The following POMT2 variants were observed in gnomAD, a reference collection of about 807,000 sequenced individuals.
POMT2 encodes the protein protein O-mannosyltransferase 2.
A neutral mutation model predicts 100.0 loss-of-function variants in POMT2; 75 were observed. That is an observed-to-expected ratio of 0.75 (90% CI 0.62 to 0.91). The LOEUF (loss-of-function observed/expected upper bound fraction) is 0.91. Among genes scored for constraint, POMT2 ranks in the 40% least tolerant of loss-of-function variants. The probability of loss-of-function intolerance (pLI) is 0.00; values close to 1 mark genes in which losing one functional copy is unlikely to be tolerated. For synonymous variants in POMT2, 378 were observed against 374.1 expected, an observed-to-expected ratio of 1.01 and a Z score of -0.12; for missense variants, 940 against 955.1, an observed-to-expected ratio of 0.98 and a Z score of 0.21.
chr14:77,290,890 T>C (rs1350393533), intron 10 of POMT2, among the ~76,000 whole-genome samples: 2 of 152,204 alleles, frequency 1.3e-5, no homozygotes, highest in Non-Finnish European at 2.9e-5. Flanking sequence ...CAGGATTCTA[T>C]CTTATCAAGA....
At chr14:77,285,424 T>A in intron 13 of POMT2, 57 bp downstream of exon 13, 1 of 1,606,268 alleles carries the variant, frequency 6.2e-7, no homozygotes, top group Non-Finnish European at 8.5e-7. Context: ...ATACTCCTTG[T>A]AGAGTGAAAG....
Position 77,285,596 on chromosome 14 carries a change from C to T in POMT2, c.1369G>A (p.Glu457Lys). ...TGDSNDFWRI[E>K]VVNRKFGNRI... ...TTTCCAAATTTCCTGTTTACGACCT[C>T]AATCCGCCAGAAATCATTTGAGTCC... Residue 457 changes from glutamate (E) to lysine (K), a missense_variant, in exon 13 of 21, where the codon GAG (glutamate) becomes AAG (lysine). Coordinates refer to ENST00000261534, the MANE Select transcript of POMT2 (RefSeq NM_013382.7). 6.2e-7 allele frequency: 1 copy of T among 1,613,226 alleles called. No individual in the cohort carries two copies. Among genetic ancestry groups the T allele is most frequent in the Non-Finnish European group, 8.5e-7 (1 of 1,179,280 alleles).
chr14:77,313,306 A>C (rs1891505428), intron 1 of POMT2, among the ~76,000 whole-genome samples: 1 of 152,260 alleles, frequency 6.6e-6, no homozygotes, highest in African/African-American at 2.4e-5. Context: ...CTATTTCAGC[A>C]TCTGCTAAAC....
In POMT2 at chr14:77,275,202, A is replaced by T. The variant is rs1889891490; in HGVS notation, c.*2174T>A. Reference sequence around the variant, plus strand: ...CAGAAAACAGAACCTGAGCACTCAAAGCTGCATCAGCCCATGTGGCCTTGC... The same window carrying T: ...CAGAAAACAGAACCTGAGCACTCAATGCTGCATCAGCCCATGTGGCCTTGC... On this transcript the variant is annotated 3_prime_UTR_variant, in exon 21 of 21. Transcript: ENST00000261534. 2 of 152,254 alleles carry T rather than the reference A, an allele frequency of 1.3e-5. No homozygotes were observed. The highest frequency in any genetic ancestry group is 4.1e-4 in the South Asian group (2 of 4,832). The allele number at this position is 152,254 out of a possible 1,614,324, so 9.4% of individuals were successfully genotyped here. A position where few individuals can be genotyped will look rare whatever the true frequency, so the allele number is the denominator to read the frequency against.
Position 77,280,045 on chromosome 14 carries a change from GA to G in POMT2, c.1760del (p.Phe587SerfsTer14), listed in dbSNP as rs751167866. On this transcript the variant is annotated frameshift_variant, in exon 17 of 21. Transcript: ENST00000261534. LOFTEE classifies it high-confidence loss of function. ...LRFSGVNDTDFRVYLLGNPVV... is the reference protein window; with the variant it reads ...LRFSGVNDTDXRVYLLGNPVV... ...CCGGGTTGCCAAGCAGATAGACTCGGAAATCTGTGTCATTGACCCCTGAGAA... is the reference window on the plus strand; with the variant it reads ...CCGGGTTGCCAAGCAGATAGACTCGGAATCTGTGTCATTGACCCCTGAGAA... 1.2e-6 allele frequency: 2 copies of G among 1,613,962 alleles called. No individual in the cohort carries two copies. Among genetic ancestry groups the G allele is most frequent in the East Asian group, 4.5e-5 (2 of 44,884 alleles).
chr14:77,300,956 G>C lies in POMT2; in HGVS notation c.816+134C>G, dbSNP rs1052600078. On this transcript the variant is annotated intron_variant, in intron 6 of 20. Transcript: ENST00000261534. ...TGATGTCCTGCTGTCTGCGGAGGTTGGGGGGTCCAGCCCACCTGGGACCCA... is the reference window on the plus strand; with the variant it reads ...TGATGTCCTGCTGTCTGCGGAGGTTCGGGGGTCCAGCCCACCTGGGACCCA... The C allele has an allele frequency of 3.3e-6, 5 of 1,535,514 alleles. No homozygotes were observed. In the African/African-American group the frequency reaches 6.8e-5, roughly 21 times the overall value.
chr14:77,278,758 G>A lies in POMT2; in HGVS notation c.2003C>T (p.Pro668Leu). The stretch of plus-strand genomic sequence containing the variant: ...CAACATGCTTGAGAAGAGCATGGCT[G>A]GGAAGTAGTGGTGGAAGTAGAGGAC... The part of the protein sequence containing the change: ...GRVLYFHHYF[P>L]AMLFSSMLTG... Residue 668 changes from proline (P) to leucine (L), a missense_variant, in exon 19 of 21, where the codon CCA (proline) becomes CTA (leucine). Physicochemically the swap from Pro to Leu is moderately conservative, Grantham distance 98. Coordinates refer to ENST00000261534, the MANE Select transcript of POMT2 (RefSeq NM_013382.7). The A allele has an allele frequency of 1.9e-6, 3 of 1,613,962 alleles. No homozygotes were observed. Among genetic ancestry groups the A allele is most frequent in the Non-Finnish European group, 2.5e-6 (3 of 1,179,932 alleles).
rs1046251321 is a variant in POMT2, at chr14:77,275,119, G to A, written c.*2257C>T. On this transcript the variant is annotated 3_prime_UTR_variant, in exon 21 of 21. Transcript: ENST00000261534. ...GGGACACATCACGTTTCTGCCAAGT[G>A]CTACAGCTGAAGCCCATATTCATAG... 9 of 152,148 alleles carry A rather than the reference G, an allele frequency of 5.9e-5. No homozygotes were observed. Among genetic ancestry groups the A allele is most frequent in the African/African-American group, 2.2e-4 (9 of 41,426 alleles). The allele number at this position is 152,148 out of a possible 1,614,324, so 9.4% of individuals were successfully genotyped here.
At chr14:77,295,950 A>G (rs1208287435) in intron 9 of POMT2, among the ~76,000 whole-genome samples, 2 of 152,142 alleles carry the variant, frequency 1.3e-5, no homozygotes, top group African/African-American at 2.4e-5. Context: ...CACCCCACCC[A>G]GCACCATGGA....
intron 15 of POMT2, among the ~76,000 whole-genome samples, chr14:77,280,704 G>GGGAAAAA: frequency 6.6e-6 from 1 of 151,532 alleles, no homozygotes; most frequent in African/African-American, 2.4e-5. Context: ...GGAAAAAGAA[G>GGGAAAAA]GGAAAGAGGA....
rs879665964 is a variant in POMT2 at position 77,316,445 on chromosome 14, G to A, written c.248+3989C>T. Among the ~76,000 whole-genome samples the A allele has an allele frequency of 5.9e-5, 9 of 151,696 alleles. 1 individual carries two copies. Among genetic ancestry groups the A allele is most frequent in the Admixed American group, 4.6e-4 (7 of 15,230 alleles). On this transcript the variant is annotated intron_variant, in intron 1 of 20. Coordinates refer to ENST00000261534, the MANE Select transcript of POMT2 (RefSeq NM_013382.7). ...TTTAATTAGCTGGACATGGTGGCAC[G>A]TGCCTGTAGTGCCAGCTACTCAGGA... is the stretch of plus-strand genomic sequence containing the variant.
intron 15 of POMT2, among the ~76,000 whole-genome samples, 161 bp from the exon 16 acceptor site, chr14:77,280,624 C>G (rs1890184542): frequency 6.6e-6 from 1 of 152,232 alleles, no homozygotes; most frequent in Non-Finnish European, 1.5e-5. Context: ...GTCTGCCTAC[C>G]TACGACACTT....
chr14:77,298,815 G>C, intron 7 of POMT2, 44 bp from the exon 8 acceptor site: 3 of 1,565,176 alleles, frequency 1.9e-6, no homozygotes, highest in Non-Finnish European at 2.6e-6. Flanking sequence ...TTAAAGGAGT[G>C]AAAGTGTGAT....
intron 1 of POMT2, among the ~76,000 whole-genome samples, chr14:77,315,513 G>GCT (rs1445544232): frequency 6.6e-6 from 1 of 152,162 alleles, no homozygotes; most frequent in Non-Finnish European, 1.5e-5. Flanking sequence ...GACATTCCAG[G>GCT]CAGAGCTCTT....
chr14:77,278,995 C>T (rs1448281997), intron 18 of POMT2, 126 bp from the exon 19 acceptor site: 1 of 1,253,068 alleles, frequency 8.0e-7, no homozygotes. Flanking sequence ...TTGGACCAAC[C>T]CAAACCACGC....
At position 77,304,815 on chromosome 14, in the gene POMT2, G is replaced by A. The variant is rs1891169154; in HGVS notation, c.439-15C>T. 4 of 1,572,278 alleles carry A rather than the reference G, an allele frequency of 2.5e-6. No individual in the cohort carries two copies. The highest frequency in any genetic ancestry group is 2.6e-6 in the Non-Finnish European group (3 of 1,158,406). ...AATGCACAGAACTGTGGGAGGAATA[G>A]AGAAGCTGTCAAATAACAAGCTGAG... On this transcript the variant is annotated splice_polypyrimidine_tract_variant and intron_variant, in intron 3 of 20. Coordinates refer to ENST00000261534, the MANE Select transcript of POMT2 (RefSeq NM_013382.7).
intron 1 of POMT2, among the ~76,000 whole-genome samples, chr14:77,316,601 A>C (rs1891638910): frequency 6.7e-6 from 1 of 149,288 alleles, no homozygotes; most frequent in African/African-American, 2.5e-5. Context: ...GAGTATAGCT[A>C]GCCTGGCCCT....
Position 77,297,539 on chromosome 14 carries a change from G to T in POMT2, c.1006+1150C>A, listed in dbSNP as rs1307754636. 2.9e-4 allele frequency among the ~76,000 whole-genome samples: 44 copies of T among 152,144 alleles called. 1 individual carries two copies. The highest frequency in any genetic ancestry group is 1.5e-5 in the Non-Finnish European group (1 of 68,024). On this transcript the variant is annotated intron_variant, in intron 8 of 20. Coordinates refer to ENST00000261534, the MANE Select transcript of POMT2 (RefSeq NM_013382.7). ...CCCTCTCGCGTGGAATTCAGTATCT[G>T]CCCTTCCAACCCAACTTCTTCTCCT...
At position 77,299,467 on chromosome 14, in the gene POMT2, A is replaced by C; in HGVS notation, c.911T>G (p.Val304Gly). 6.2e-7 allele frequency: 1 copy of C among 1,613,984 alleles called. No homozygotes were observed. Among genetic ancestry groups the C allele is most frequent in the Non-Finnish European group, 8.5e-7 (1 of 1,179,888 alleles). ...YTATFAVHFM[V>G]LSKSGPGDGF... ...GCTCTGTCTGTACCTTTTACTCAGC[A>C]CCATGAAGTGAACAGCAAAGGTGGC... The change falls in exon 7 of 21, where the codon GTG (valine) becomes GGG (glycine). Residue 304 changes from valine to glycine, a missense_variant. Coordinates refer to ENST00000261534, the MANE Select transcript of POMT2 (RefSeq NM_013382.7).
Sources: allele counts gnomAD v4.1 joint callset (sites outside exome capture counted in the v4.1 genomes callset), GRCh38; gene constraint gnomAD v4.1.1; transcripts MANE v1.5; gene names NCBI Gene and HGNC (gene_info 2026-07-23, HGNC 2026-07-21).